FRMD4A: variants seen among roughly 807,000 people sequenced by gnomAD.
The protein encoded by FRMD4A is FERM domain-containing protein 4A.
FRMD4A carries 29 observed loss-of-function variants against 129.1 expected under a neutral mutation model. The observed-to-expected ratio is 0.22, with a 90% CI of 0.17 to 0.31. FRMD4A has a LOEUF of 0.31. Ranked by LOEUF, FRMD4A falls within the 10% of genes least tolerant of loss-of-function variation. The pLI is 1.00. For missense variants in FRMD4A, 1,272 were observed against 1,375.8 expected (o/e 0.92, Z 1.19); for synonymous variants, 634 against 571.6 (o/e 1.11, Z -1.56).
chr10:14,074,534 C>G (rs1835473394), intron 2 of FRMD4A: 1 of 152,204 alleles, frequency 6.6e-6, no homozygotes, highest in African/African-American at 2.4e-5. Context: ...TGTCCTGGCG[C>G]AATGCCCATG....
At chr10:13,793,856 G>T (rs992933058) in intron 5 of FRMD4A, among the ~76,000 whole-genome samples, 5 of 152,182 alleles carry the variant, frequency 3.3e-5, no homozygotes, top group African/African-American at 1.2e-4. Flanking sequence ...AAGGTAAAGA[G>T]ACGGAATTCA....
rs1374553005 is a variant in FRMD4A, at chr10:13,822,200, T to TA, written c.112-11293dup. Among the ~76,000 whole-genome samples, 11 of 152,288 alleles carry TA rather than the reference T, an allele frequency of 7.2e-5. No individual in the cohort carries two copies. The East Asian group carries it at 9.6e-4, about 13-fold the overall frequency. On this transcript the variant is annotated intron_variant, in intron 3 of 24. Coordinates refer to ENST00000357447, the MANE Select transcript of FRMD4A (RefSeq NM_018027.5). ...AAACATATCCATCACCTATCATACT[T>TA]ACGATTTTTGTAGCGAGAACATTTC...
chr10:13,727,871 T>C (rs1157281860), intron 12 of FRMD4A: 2 of 152,404 alleles, frequency 1.3e-5, no homozygotes, highest in East Asian at 1.9e-4. Flanking sequence ...GCCCGGTTAG[T>C]ACTTGGATGG....
At chr10:14,008,824 C>A (rs572627455) in intron 2 of FRMD4A, among the ~76,000 whole-genome samples, 20 of 152,146 alleles carry the variant, frequency 1.3e-4, no homozygotes, top group Admixed American at 4.6e-4. Context: ...ATCTGTTTAC[C>A]CTTCCTGCTT....
At chr10:13,875,677 G>T (rs1177712594) in intron 2 of FRMD4A, among the ~76,000 whole-genome samples, 1 of 152,166 alleles carries the variant, frequency 6.6e-6, no homozygotes, top group Non-Finnish European at 1.5e-5. Context: ...ATGGGAGAGA[G>T]ACCAAAGAAG....
intron 2 of FRMD4A, among the ~76,000 whole-genome samples, chr10:14,018,034 G>T (rs2095704637): frequency 6.6e-6 from 1 of 152,064 alleles, no homozygotes. Context: ...TTGCTTGCTG[G>T]GGGTACTCCA....
At chr10:14,306,498 G>A (rs887898895) in intron 2 of FRMD4A, among the ~76,000 whole-genome samples, 7 of 152,144 alleles carry the variant, frequency 4.6e-5, no homozygotes, top group Admixed American at 6.5e-5. Context: ...TTTAATGCTC[G>A]TTTCAAGGTT....
chr10:13,707,076 C>T lies in FRMD4A; in HGVS notation c.797G>A (p.Arg266Lys), dbSNP rs916413811. The T allele has an allele frequency of 4.4e-6, 7 of 1,597,732 alleles. No individual in the cohort carries two copies. Among genetic ancestry groups the T allele is most frequent in the Non-Finnish European group, 6.0e-6 (7 of 1,165,170 alleles). ...AACTTCCACGGAAAACTTCTTTTCT[C>T]TGAAGTACAGGTTTTCCAACTGTCT... is the stretch of plus-strand genomic sequence containing the variant. ...QWRQLENLYF[R>K]EKKFSVEVHD... Residue 266 changes from arginine to lysine, a missense_variant, in exon 13 of 25, where the codon AGA (arginine) becomes AAA (lysine). Arg to Lys is a conservative substitution (Grantham distance 26). This residue lies in a region of FRMD4A where 300 missense variants were observed against 483.6 expected (regional missense o/e 0.62). Transcript: ENST00000357447.
intron 2 of FRMD4A, among the ~76,000 whole-genome samples, chr10:13,968,654 A>G (rs1311907981): frequency 2.6e-5 from 4 of 152,154 alleles, no homozygotes; most frequent in Non-Finnish European, 4.4e-5. Context: ...GGGTTTCTCC[A>G]TGTTGGTCAG....
intron 2 of FRMD4A, chr10:13,866,303 A>T: frequency 1.0e-6 from 1 of 980,158 alleles, no homozygotes; most frequent in Non-Finnish European, 1.2e-6. Flanking sequence ...CTTAAACCAC[A>T]GGACACCCTG....
chr10:14,009,030 T>C (rs2095672029), intron 2 of FRMD4A, among the ~76,000 whole-genome samples: 1 of 152,258 alleles, frequency 6.6e-6, no homozygotes, highest in African/African-American at 2.4e-5. Context: ...TTTTTACGTG[T>C]GCCAGTAAAC....
At chr10:13,985,548 C>T (rs993132914) in intron 2 of FRMD4A, among the ~76,000 whole-genome samples, 2 of 152,140 alleles carry the variant, frequency 1.3e-5, no homozygotes, top group East Asian at 3.9e-4. Context: ...GTTGGGATGC[C>T]GGAGAGAGAA....
At chr10:13,855,217 T>C (rs368640472) in intron 3 of FRMD4A, among the ~76,000 whole-genome samples, 2 of 152,296 alleles carry the variant, frequency 1.3e-5, no homozygotes, top group East Asian at 3.9e-4. Flanking sequence ...GAGTTTACAG[T>C]GCTGCATGAA....
At chr10:13,858,578 A>C (rs1261113795) in intron 3 of FRMD4A, among the ~76,000 whole-genome samples, 1 of 152,252 alleles carries the variant, frequency 6.6e-6, no homozygotes, top group African/African-American at 2.4e-5. Context: ...CAGAAAGAAT[A>C]GCTAAGGGCA....
In FRMD4A at chr10:13,772,159, A is replaced by G. The variant is rs141218986; in HGVS notation, c.385-9479T>C. On this transcript the variant is annotated intron_variant, in intron 6 of 24. Coordinates refer to ENST00000357447, the MANE Select transcript of FRMD4A (RefSeq NM_018027.5). ...ATATAATATATAATAAAGATATATA[A>G]TATATAATATATTATATTATATATA... Among the ~76,000 whole-genome samples the G allele has an allele frequency of 5.1e-3, 703 of 137,974 alleles. 9 individuals carry two copies. The highest frequency in any genetic ancestry group is 0.018 in the African/African-American group (655 of 35,928). 90.5% of individuals were successfully genotyped at this position (137,974 alleles called of 152,430 possible). A position where few individuals can be genotyped will look rare whatever the true frequency, so the allele number is the denominator to read the frequency against.
intron 2 of FRMD4A, among the ~76,000 whole-genome samples, chr10:14,224,658 C>G (rs924632133): frequency 6.6e-6 from 1 of 152,064 alleles, no homozygotes; most frequent in Non-Finnish European, 1.5e-5. Flanking sequence ...TTCAGGGCCC[C>G]ACCTAGATTC....
At chr10:13,960,701 C>T (rs909283407) in intron 2 of FRMD4A, among the ~76,000 whole-genome samples, 18 of 152,100 alleles carry the variant, frequency 1.2e-4, no homozygotes, top group African/African-American at 2.7e-4. Context: ...ATGGGTTGAC[C>T]GGCAGCCCAC....
intron 2 of FRMD4A, among the ~76,000 whole-genome samples, chr10:14,010,617 T>C (rs974491491): frequency 6.7e-6 from 1 of 149,246 alleles, no homozygotes; most frequent in Non-Finnish European, 1.5e-5. Flanking sequence ...TGTCTTGCCA[T>C]GGGTGTCGGA....
At chr10:14,155,875 T>C (rs1215674016) in intron 2 of FRMD4A, among the ~76,000 whole-genome samples, 1 of 152,156 alleles carries the variant, frequency 6.6e-6, no homozygotes, top group Admixed American at 6.5e-5. Flanking sequence ...TTTGACATCA[T>C]CCTTAATTAT....
Sources: gnomAD v4.1 joint callset for allele counts (sites outside exome capture counted in the v4.1 genomes callset) on GRCh38, gnomAD v4.1.1 for gene constraint, gnomAD v4.1.1 regional missense constraint, MANE v1.5 for transcripts, NCBI Gene and HGNC (gene_info 2026-07-23, HGNC 2026-07-21) for gene names.